MBOAT2: variants seen among roughly 807,000 people sequenced by gnomAD.
The protein encoded by MBOAT2 is membrane bound glycerophospholipid O-acyltransferase 2.
MBOAT2 carries 28 observed loss-of-function variants against 63.4 expected under a neutral mutation model. That is an observed-to-expected ratio of 0.44 (90% CI 0.33 to 0.61). The LOEUF is 0.61. Among genes scored for constraint, MBOAT2 ranks in the 20% least tolerant of loss-of-function variants. The pLI is 0.03. For missense variants in MBOAT2, 470 were observed against 605.8 expected (o/e 0.78, Z 2.35); for synonymous variants, 211 against 215.6 (o/e 0.98, Z 0.19).
intron 4 of MBOAT2, 105 bp from the exon 5 acceptor site, chr2:8,888,178 GA>G: frequency 2.8e-6 from 3 of 1,075,474 alleles, no homozygotes; most frequent in Non-Finnish European, 4.1e-6. Context: ...TACAAATCCT[GA>G]AATTTTTAAC....
chr2:8,864,290 T>A (rs1220035640), intron 9 of MBOAT2, 56 bp from the exon 10 acceptor site: 1 of 978,452 alleles, frequency 1.0e-6, no homozygotes, highest in Admixed American at 2.9e-5. Flanking sequence ...GCTTTAAATA[T>A]AATAATATAT....
intron 8 of MBOAT2, 27 bp from the exon 9 acceptor site, chr2:8,868,576 T>A (rs760678432): frequency 1.3e-6 from 2 of 1,554,462 alleles, no homozygotes; most frequent in African/African-American, 2.7e-5. Flanking sequence ...TAGAAAAAAG[T>A]ATTAAGAATC....
chr2:8,892,773 A>AT (rs1165690646), intron 4 of MBOAT2, among the ~76,000 whole-genome samples: 1 of 152,128 alleles, frequency 6.6e-6, no homozygotes, highest in Non-Finnish European at 1.5e-5. Context: ...GGGTAAAAAT[A>AT]TTCCAGGAAG....
rs117388854 is a variant in MBOAT2, at chr2:8,985,118, C to T, written c.75+18422G>A. 2.0e-3 allele frequency among the ~76,000 whole-genome samples: 303 copies of T among 152,304 alleles called. 7 individuals carry two copies. In the East Asian group the frequency reaches 0.053, roughly 26 times the overall value. On this transcript the variant is annotated intron_variant, in intron 1 of 12. Transcript: ENST00000305997. ...AACTAAAATGTCTAGTTCCTTTTCT[C>T]AACGGCTTTAAGATATGCAAATCAA...
intron 1 of MBOAT2, among the ~76,000 whole-genome samples, chr2:8,992,552 T>G (rs1671985091): frequency 6.6e-6 from 1 of 152,260 alleles, no homozygotes; most frequent in Non-Finnish European, 1.5e-5. Flanking sequence ...ATGTTTTGTT[T>G]GTACAAGCAG....
chr2:8,907,648 C>T (rs565433124), intron 4 of MBOAT2, among the ~76,000 whole-genome samples: 36 of 152,230 alleles, frequency 2.4e-4, no homozygotes, highest in African/African-American at 8.2e-4. Flanking sequence ...TCAATAGCTT[C>T]GATTAACTAG....
intron 1 of MBOAT2, among the ~76,000 whole-genome samples, chr2:8,991,585 C>T (rs2103363063): frequency 6.6e-6 from 1 of 152,316 alleles, no homozygotes; most frequent in Non-Finnish European, 1.5e-5. Context: ...CAGTGCCCTG[C>T]TCTGGTTATA....
intron 3 of MBOAT2, among the ~76,000 whole-genome samples, chr2:8,928,129 A>G (rs1488144435): frequency 1.3e-5 from 2 of 152,136 alleles, no homozygotes; most frequent in Non-Finnish European, 2.9e-5. Flanking sequence ...GGACGGCGCT[A>G]AACCATTCAT....
intron 4 of MBOAT2, among the ~76,000 whole-genome samples, chr2:8,891,535 T>A (rs1483853306): frequency 2.6e-5 from 4 of 152,232 alleles, no homozygotes; most frequent in Non-Finnish European, 4.4e-5. Context: ...CAGCATATTT[T>A]GTTCATAAAT....
chr2:8,958,787 G>A, intron 1 of MBOAT2, 145 bp from the exon 2 acceptor site: 1 of 799,558 alleles, frequency 1.3e-6, no homozygotes, highest in Admixed American at 3.4e-5. Context: ...AAAATTGAGG[G>A]AAATCCCAAG....
intron 2 of MBOAT2, among the ~76,000 whole-genome samples, chr2:8,955,265 C>T (rs1025170083): frequency 6.6e-6 from 1 of 152,218 alleles, no homozygotes; most frequent in Non-Finnish European, 1.5e-5. Context: ...CAGCTTTTCA[C>T]GATGTCTGTC....
At chr2:8,970,195 T>C (rs149796628) in intron 1 of MBOAT2, among the ~76,000 whole-genome samples, 3,210 of 152,240 alleles carry the variant, frequency 0.021, 58 homozygotes, top group Non-Finnish European at 0.035. Context: ...GCAATCAAAC[T>C]ACAACTCAGC....
At chr2:8,986,161 T>G (rs1189857209) in intron 1 of MBOAT2, among the ~76,000 whole-genome samples, 12 of 148,414 alleles carry the variant, frequency 8.1e-5, no homozygotes, top group Non-Finnish European at 1.5e-5. Context: ...ACTGGAGAGA[T>G]TCTACAAAAT....
chr2:9,000,959 T>A (rs1397307843), intron 1 of MBOAT2, among the ~76,000 whole-genome samples: 4 of 152,190 alleles, frequency 2.6e-5, no homozygotes, highest in Non-Finnish European at 4.4e-5. Flanking sequence ...ATCGGCTTTT[T>A]TCTATTAAAA....
intron 2 of MBOAT2, among the ~76,000 whole-genome samples, chr2:8,946,260 A>G: frequency 6.6e-6 from 1 of 152,240 alleles, no homozygotes; most frequent in Non-Finnish European, 1.5e-5. Context: ...AAAGTCATAC[A>G]GCCACCAGAC....
rs1476620671 is a variant in MBOAT2, at chr2:8,860,739, AAAT to A, written c.1208_1210del (p.Tyr403del). On this transcript the variant is annotated inframe_deletion, in exon 12 of 13. Coordinates refer to ENST00000305997, the MANE Select transcript of MBOAT2 (RefSeq NM_138799.4). ...TAATTTCAGTTGGGAAGGTTCAATGAAATAATGTCTAAAGTTATTTCTCATCTG... is the reference window on the plus strand; with the variant it reads ...TAATTTCAGTTGGGAAGGTTCAATGAAATGTCTAAAGTTATTTCTCATCTG... 1.9e-6 allele frequency: 3 copies of A among 1,590,958 alleles called. No individual in the cohort carries two copies. Among genetic ancestry groups the A allele is most frequent in the Non-Finnish European group, 2.6e-6 (3 of 1,162,952 alleles).
intron 4 of MBOAT2, among the ~76,000 whole-genome samples, chr2:8,890,907 T>G (rs937551898): frequency 1.3e-5 from 2 of 152,348 alleles, no homozygotes; most frequent in African/African-American, 4.8e-5. Context: ...TTATACTCTC[T>G]CCCATCTGTT....
intron 1 of MBOAT2, among the ~76,000 whole-genome samples, chr2:8,986,152 C>G (rs962266509): frequency 6.7e-6 from 1 of 148,492 alleles, no homozygotes; most frequent in African/African-American, 2.5e-5. Flanking sequence ...ATAAATCCCA[C>G]TGGAGAGATT....
intron 3 of MBOAT2, among the ~76,000 whole-genome samples, chr2:8,925,167 C>G (rs1317917451): frequency 6.6e-6 from 1 of 151,980 alleles, no homozygotes; most frequent in African/African-American, 2.4e-5. Context: ...CCTCTCACAC[C>G]CCAATGCCAA....
Sources: allele counts gnomAD v4.1 joint callset (sites outside exome capture counted in the v4.1 genomes callset), GRCh38; gene constraint gnomAD v4.1.1; transcripts MANE v1.5; gene names NCBI Gene and HGNC (gene_info 2026-07-23, HGNC 2026-07-21).